RRM2: variants seen among roughly 807,000 people sequenced by gnomAD.
RRM2 encodes the protein ribonucleoside-diphosphate reductase subunit M2.
Under a neutral mutation model 45.9 loss-of-function variants are expected in RRM2, and 6 were observed. That is an observed-to-expected ratio of 0.13 (90% CI 0.07 to 0.26). The LOEUF is 0.26. Ranked by LOEUF, RRM2 falls within the 10% of genes least tolerant of loss-of-function variation. The pLI is 1.00. For synonymous variants in RRM2, 177 were observed against 173.0 expected (o/e 1.02, Z -0.18); for missense variants, 343 against 489.5 (o/e 0.70, Z 2.82).
chr2:10,155,106 TG>T, intron 3 of RRM2: 1 of 269,690 alleles, frequency 3.7e-6, no homozygotes, highest in South Asian at 3.9e-5. Context: ...CCACTGACAC[TG>T]GGATACTGAG....
At chr2:10,132,647 G>GT (rs1263808696), downstream of RRM2, among the ~76,000 whole-genome samples, 1 of 152,224 alleles carries the variant, frequency 6.6e-6, no homozygotes. Context: ...GTATTTTGGG[G>GT]TGGATGGTAT....
At chr2:10,149,115 G>C (rs914054189) in intron 3 of RRM2, among the ~76,000 whole-genome samples, 3 of 151,746 alleles carry the variant, frequency 2.0e-5, no homozygotes, top group African/African-American at 7.3e-5. Context: ...TTTCTGGAGA[G>C]GATTGCTGTA....
At chr2:10,142,390 C>T in intron 3 of RRM2, 1 of 1,369,318 alleles carries the variant, frequency 7.3e-7, no homozygotes, top group Non-Finnish European at 9.8e-7. Context: ...GAAATGATGG[C>T]AACTCGCACG....
At chr2:10,193,442 C>T (rs914953553) in intron 3 of RRM2, among the ~76,000 whole-genome samples, 47 of 152,300 alleles carry the variant, frequency 3.1e-4, no homozygotes, top group African/African-American at 1.1e-3. Flanking sequence ...GGCTGGGTGC[C>T]GGGTGCCTCA....
In RRM2 at chr2:10,200,557, GCGCGCAAAATATGAGGCC is replaced by G. The variant is rs1664538944; in HGVS notation, n.483-9752_483-9735del. 8.6e-4 allele frequency among the ~76,000 whole-genome samples: 11 copies of G among 12,856 alleles called. 4 individuals carry two copies. Among genetic ancestry groups the G allele is most frequent in the Middle Eastern group, 0.11 (2 of 18 alleles). The allele number at this position is 12,856 out of a possible 152,430, so 8.4% of individuals were successfully genotyped here. On this transcript the variant is annotated intron_variant and non_coding_transcript_variant, in intron 3 of 3. Coordinates refer to the RRM2 transcript ENST00000381786. The stretch of plus-strand genomic sequence containing the variant: ...AAATTATGAGTCCCACAGGGACCGC[GCGCGCAAAATATGAGGCC>G]CACAGGGACCGCGCGCGCAAAATAT...
rs748880905 is a variant in RRM2 at position 10,127,248 on chromosome 2, C to G, written c.798+28C>G. On this transcript the variant is annotated intron_variant, in intron 7 of 9. Coordinates refer to ENST00000304567, the MANE Select transcript of RRM2 (RefSeq NM_001034.4). The surrounding 1 kb of genome is among the most constrained non-coding windows in gnomAD (Gnocchi z 4.1). ...GAGTCTAAGTCAAATAATAGGGTGA[C>G]CTAAACCCCAAACACAACTCGGGCA... 1.2e-6 allele frequency: 2 copies of G among 1,603,026 alleles called. No homozygotes were observed. Among genetic ancestry groups the G allele is most frequent in the Admixed American group, 3.3e-5 (2 of 59,832 alleles).
At chr2:10,203,593 A>T (rs1014831582) in intron 3 of RRM2, among the ~76,000 whole-genome samples, 7 of 152,052 alleles carry the variant, frequency 4.6e-5, no homozygotes, top group African/African-American at 1.7e-4. Context: ...TCTACTAAAA[A>T]TACAAAACTT....
intron 3 of RRM2, among the ~76,000 whole-genome samples, chr2:10,146,351 A>G (rs1663185600): frequency 6.6e-6 from 1 of 152,222 alleles, no homozygotes; most frequent in Admixed American, 6.5e-5. Context: ...AACTGATTCA[A>G]TCAGAGTGTA....
chr2:10,150,523 G>A (rs1228311990), intron 3 of RRM2, among the ~76,000 whole-genome samples: 2 of 126,292 alleles, frequency 1.6e-5, no homozygotes, highest in Non-Finnish European at 3.4e-5. Flanking sequence ...TTTTTTTTTC[G>A]ACTTTATTGG....
In RRM2 at chr2:10,199,800, A is replaced by AAAAAAAAAAAAAAAAAAAAAAC. The variant is rs1572534126; in HGVS notation, n.483-10502_483-10501insAAAAAAAAAAAACAAAAAAAAA. On this transcript the variant is annotated intron_variant and non_coding_transcript_variant, in intron 3 of 3. Coordinates refer to the RRM2 transcript ENST00000381786. ...GTCTCAAAAAAAAAAAAAAAAAAAA[A>AAAAAAAAAAAAAAAAAAAAAAC]AAAAAAAAACAAATCATGGTATGAC... Among the ~76,000 whole-genome samples the AAAAAAAAAAAAAAAAAAAAAAC allele has an allele frequency of 4.8e-4, 47 of 97,886 alleles. 2 individuals carry two copies. The highest frequency in any genetic ancestry group is 4.9e-3 in the Middle Eastern group (1 of 206). 64.2% of individuals were successfully genotyped at this position (97,886 alleles called of 152,430 possible). A position where few individuals can be genotyped will look rare whatever the true frequency, so the allele number is the denominator to read the frequency against.
At chr2:10,136,443 C>T (rs945327816), upstream of RRM2, among the ~76,000 whole-genome samples, 2 of 152,090 alleles carry the variant, frequency 1.3e-5, no homozygotes, top group Non-Finnish European at 2.9e-5. Context: ...TGAAAAGGCA[C>T]GCTGTCATCT....
At chr2:10,138,393 C>T (rs1425027679), upstream of RRM2, among the ~76,000 whole-genome samples, 1 of 152,150 alleles carries the variant, frequency 6.6e-6, no homozygotes, top group African/African-American at 2.4e-5. Context: ...TCTCGAACTC[C>T]TGACCTCAGG....
At position 10,129,014 on chromosome 2, in the gene RRM2, A is replaced by G. The variant is rs1662842126; in HGVS notation, c.904-27A>G. The stretch of plus-strand genomic sequence containing the variant: ...TAGAAAATGCCTGTGCTTTAGTTGT[A>G]TTCAGAAGCTGTATTTTGGTTCCTA... On this transcript the variant is annotated intron_variant, in intron 8 of 9. Transcript: ENST00000304567. This position sits in a 1 kb window ranked among gnomAD's most constrained non-coding sequence, Gnocchi z 4.8. 2 of 1,611,428 alleles carry G rather than the reference A, an allele frequency of 1.2e-6. No individual in the cohort carries two copies. Among genetic ancestry groups the G allele is most frequent in the South Asian group, 1.1e-5 (1 of 90,996 alleles).
At chr2:10,163,269 A>T (rs1210494672) in intron 3 of RRM2, among the ~76,000 whole-genome samples, 1 of 145,270 alleles carries the variant, frequency 6.9e-6, no homozygotes, top group Non-Finnish European at 1.5e-5. Flanking sequence ...TTGATGGTGA[A>T]TGTCAGCCTG....
intron 3 of RRM2, among the ~76,000 whole-genome samples, chr2:10,165,249 C>T (rs1405797936): frequency 6.6e-6 from 1 of 152,238 alleles, no homozygotes; most frequent in Non-Finnish European, 1.5e-5. Flanking sequence ...CTGTGCCCGG[C>T]CTCTTTTGGT....
At position 10,171,532 on chromosome 2, in the gene RRM2, G is replaced by A. The variant is rs1030563919; in HGVS notation, n.482+29157G>A. 1.1e-4 allele frequency among the ~76,000 whole-genome samples: 17 copies of A among 152,230 alleles called. No homozygotes were observed. Among genetic ancestry groups the A allele is most frequent in the Non-Finnish European group, 2.5e-4 (17 of 68,052 alleles). ...GAGTGAGCTAAGCAGGGCTTGGCAA[G>A]GTGGTGTCCCCCGGTCAGTGCCAGA... On this transcript the variant is annotated intron_variant and non_coding_transcript_variant, in intron 3 of 3. Transcript: ENST00000381786. The surrounding 1 kb of genome is among the most constrained non-coding windows in gnomAD (Gnocchi z 4.1).
intron 3 of RRM2, among the ~76,000 whole-genome samples, chr2:10,192,871 A>G (rs1285291961): frequency 6.6e-6 from 1 of 152,182 alleles, no homozygotes; most frequent in Non-Finnish European, 1.5e-5. Context: ...ACCCCTCTCC[A>G]GAGCCAGCCT....
intron 3 of RRM2, among the ~76,000 whole-genome samples, chr2:10,197,573 C>A (rs935243816): frequency 6.6e-6 from 1 of 152,032 alleles, no homozygotes; most frequent in African/African-American, 2.4e-5. Flanking sequence ...GGTGGCCATA[C>A]CTGCGGGGCG....
chr2:10,151,452 C>T (rs541618551), intron 3 of RRM2, among the ~76,000 whole-genome samples: 8 of 152,054 alleles, frequency 5.3e-5, no homozygotes, highest in Non-Finnish European at 1.2e-4. Flanking sequence ...TGCCCACCAA[C>T]AGCCCAGCTA....
Sources: allele counts gnomAD v4.1 joint callset (sites outside exome capture counted in the v4.1 genomes callset), GRCh38; gene constraint gnomAD v4.1.1; non-coding constraint Gnocchi (gnomAD v3.1); transcripts MANE v1.5; gene names NCBI Gene and HGNC (gene_info 2026-07-23, HGNC 2026-07-21).